The following CCDC40 variants were observed in gnomAD, a reference collection of about 807,000 sequenced individuals.
CCDC40 encodes coiled-coil domain 40 molecular ruler complex subunit.
Under a neutral mutation model 124.5 loss-of-function variants are expected in CCDC40, and 104 were observed. The ratio of observed to expected loss-of-function variants is 0.84; its 90% CI spans 0.71 to 0.98. CCDC40 has a LOEUF of 0.98. Among genes scored for constraint, CCDC40 ranks in the 50% least tolerant of loss-of-function variants. The pLI is 0.00. For synonymous variants in CCDC40, 580 were observed against 602.9 expected (o/e 0.96, Z 0.56); for missense variants, 1,463 against 1,503.9 (o/e 0.97, Z 0.45).
In CCDC40 at chr17:80,087,718, C is replaced by T. The variant is rs775425348; in HGVS notation, c.2561C>T (p.Ser854Leu). The change falls in exon 15 of 20, where the codon TCG (serine) becomes TTG (leucine). Residue 854 changes from serine (S) to leucine (L), a missense_variant. Physicochemically the swap from Ser to Leu is moderately radical, Grantham distance 145. Coordinates refer to ENST00000397545, the MANE Select transcript of CCDC40 (RefSeq NM_017950.4). The surrounding 1 kb of genome is among the most constrained non-coding windows in gnomAD (Gnocchi z 4.5). ...NMLMNKNRCS[S>L]EELEQNNRVT... ...TTGATGAATAAAAACCGGTGCAGCT[C>T]GGAGGAGCTGGAGCAGAACAACCGG... 4 of 1,614,020 alleles carry T rather than the reference C, an allele frequency of 2.5e-6. No individual in the cohort carries two copies. The highest frequency in any genetic ancestry group is 2.2e-5 in the East Asian group (1 of 44,876).
intron 5 of CCDC40, among the ~76,000 whole-genome samples, chr17:80,049,239 A>G (rs1242055449): frequency 2.8e-5 from 4 of 142,276 alleles, no homozygotes; most frequent in African/African-American, 1.1e-4. Context: ...TACTAAAAAT[A>G]CAAAAAAAAA....
intron 7 of CCDC40, among the ~76,000 whole-genome samples, chr17:80,051,897 A>G (rs9915864): frequency 0.32 from 49,216 of 152,206 alleles, 10,894 homozygotes; most frequent in African/African-American, 0.64. Context: ...GTGGGATTCC[A>G]AAAAGATCCA....
chr17:80,053,484 T>C (rs531304127), intron 7 of CCDC40, among the ~76,000 whole-genome samples: 1 of 152,330 alleles, frequency 6.6e-6, no homozygotes, highest in East Asian at 1.9e-4. Flanking sequence ...ACCCTTAAGC[T>C]TCCAGATGAT....
In CCDC40 at chr17:80,086,687, G is replaced by A. The variant is rs1057408325; in HGVS notation, c.2449+471G>A. The A allele has an allele frequency of 4.2e-6, 1 of 237,846 alleles. No individual in the cohort carries two copies. Among genetic ancestry groups the A allele is most frequent in the East Asian group, 1.2e-4 (1 of 8,572 alleles). The allele number at this position is 237,846 out of a possible 1,614,324, so 14.7% of individuals were successfully genotyped here. ...GCACCAGGGTGCCTGGAATGATGGA[G>A]GCGGGCATCCTTCCTGGACCACTCT... On this transcript the variant is annotated intron_variant, in intron 14 of 19. Transcript: ENST00000397545. This position sits in a 1 kb window ranked among gnomAD's most constrained non-coding sequence, Gnocchi z 5.5.
At chr17:80,061,216 C>A (rs372868297) in intron 9 of CCDC40, among the ~76,000 whole-genome samples, 1 of 152,156 alleles carries the variant, frequency 6.6e-6, no homozygotes, top group African/African-American at 2.4e-5. Context: ...CGTGGTGGTA[C>A]ACGCCTGTAA....
rs1445748772 is a variant in CCDC40, at chr17:80,086,013, TG to T, written c.2250del (p.Leu752TrpfsTer8). On this transcript the variant is annotated frameshift_variant, in exon 14 of 20. Transcript: ENST00000397545. LOFTEE classifies it high-confidence loss of function. This position sits in a 1 kb window ranked among gnomAD's most constrained non-coding sequence, Gnocchi z 5.5. ...RMVSELGGEEVGPLELEIKRL... is the reference protein window; with the variant it reads ...RMVSELGGEEXGPLELEIKRL... ...GAATATCCGGTCTAGGGGGAAGAAG[TG>T]GGGCCCCTGGAGCTTGAAATCAAAA... is the stretch of plus-strand genomic sequence containing the variant. 4 of 1,613,766 alleles carry T rather than the reference TG, an allele frequency of 2.5e-6. No individual in the cohort carries two copies. Among genetic ancestry groups the T allele is most frequent in the Non-Finnish European group, 3.4e-6 (4 of 1,179,978 alleles).
rs9892356 is a variant in CCDC40 at position 80,059,645 on chromosome 17, C to T, written c.1440+665C>T. ...CACAATCTCAGCTCACTGCAACCTC[C>T]GCCTCCCAGATTCAAGCAATTCTCC... On this transcript the variant is annotated intron_variant, in intron 9 of 19. Coordinates refer to ENST00000397545, the MANE Select transcript of CCDC40 (RefSeq NM_017950.4). Among the ~76,000 whole-genome samples, 585 of 152,004 alleles carry T rather than the reference C, an allele frequency of 3.8e-3. 4 individuals carry two copies. The highest frequency in any genetic ancestry group is 0.014 in the African/African-American group (570 of 41,440).
In CCDC40 at chr17:80,048,762, G is replaced by A. The variant is rs1346603171; in HGVS notation, c.855+1G>A. The A allele has an allele frequency of 2.5e-6, 4 of 1,606,336 alleles. No homozygotes were observed. Among genetic ancestry groups the A allele is most frequent in the Admixed American group, 1.7e-5 (1 of 58,620 alleles). On this transcript the variant is annotated splice_donor_variant, in intron 5 of 19. Coordinates refer to ENST00000397545, the MANE Select transcript of CCDC40 (RefSeq NM_017950.4). LOFTEE classifies it high-confidence loss of function. ...GCTGGTGGTTTTGGACCCAGACCACGTAAGGAAGCCTTCCCAGGTTTTGCT... is the reference window on the plus strand; with the variant it reads ...GCTGGTGGTTTTGGACCCAGACCACATAAGGAAGCCTTCCCAGGTTTTGCT...
chr17:80,055,723 T>A (rs1013883000), intron 7 of CCDC40, among the ~76,000 whole-genome samples: 1 of 151,920 alleles, frequency 6.6e-6, no homozygotes, highest in Non-Finnish European at 1.5e-5. Context: ...ATGCAAGAGC[T>A]CTACAACTAA....
intron 7 of CCDC40, among the ~76,000 whole-genome samples, chr17:80,053,068 C>T (rs9944435): frequency 0.32 from 48,558 of 152,040 alleles, 10,546 homozygotes; most frequent in African/African-American, 0.62. Context: ...ACATGGACGA[C>T]AGATTAGGGA....
At chr17:80,095,165 T>G in intron 17 of CCDC40, 98 bp from the exon 18 acceptor site, 1 of 1,120,334 alleles carries the variant, frequency 8.9e-7, no homozygotes, top group Non-Finnish European at 1.4e-6. Context: ...TCCCCATGCG[T>G]GTCACCGGAG....
At position 80,040,678 on chromosome 17, in the gene CCDC40, C is replaced by CAA. The variant is rs34476860; in HGVS notation, c.552+424_552+425dup. Reference sequence around the variant, plus strand: ...TGGGCAACAGAGTGAGACCTTGTCTCAAAAAAAAAAAAAAAAAGAAAAGAA... The same window carrying CAA: ...TGGGCAACAGAGTGAGACCTTGTCTCAAAAAAAAAAAAAAAAAAAGAAAAGAA... On this transcript the variant is annotated intron_variant, in intron 3 of 19. Coordinates refer to ENST00000397545, the MANE Select transcript of CCDC40 (RefSeq NM_017950.4). 5.3e-3 allele frequency: 694 copies of CAA among 129,844 alleles called. 6 individuals are homozygous for CAA. The highest frequency in any genetic ancestry group is 0.014 in the African/African-American group (461 of 32,864). The allele number at this position is 129,844 out of a possible 1,614,324, so 8.0% of individuals were successfully genotyped here.
intron 10 of CCDC40, among the ~76,000 whole-genome samples, chr17:80,072,663 A>G (rs2038220936): frequency 6.6e-6 from 1 of 152,186 alleles, no homozygotes; most frequent in South Asian, 2.1e-4. Flanking sequence ...ATGTCATATA[A>G]ATGGAATCGC....
At chr17:80,040,895 C>T (rs2037262059) in intron 3 of CCDC40, among the ~76,000 whole-genome samples, 1 of 152,122 alleles carries the variant, frequency 6.6e-6, no homozygotes, top group African/African-American at 2.4e-5. Context: ...ACAGAGAGCT[C>T]TCCAAATGTG....
intron 16 of CCDC40, 135 bp downstream of exon 16, chr17:80,088,237 GTTGTTTTGTTTTTTGTTTTGTT>G (rs2038631835): frequency 1.4e-6 from 1 of 726,164 alleles, no homozygotes; most frequent in Middle Eastern, 2.3e-4. Flanking sequence ...ATTTTTTGTT[GTTGTTTTGTTTTTTGTTTTGTT>G]TTGTTTTGTT....
chr17:80,099,463 G>A, intron 19 of CCDC40, 64 bp from the exon 20 acceptor site: 1 of 1,575,314 alleles, frequency 6.3e-7, no homozygotes. Flanking sequence ...GAGTTTGTGG[G>A]GGGCCAGCAG....
chr17:80,060,128 C>G (rs142561580), intron 9 of CCDC40, among the ~76,000 whole-genome samples: 41 of 152,288 alleles, frequency 2.7e-4, no homozygotes, highest in African/African-American at 9.4e-4. Flanking sequence ...GCAGCCATCC[C>G]AGTCTGCTCA....
At chr17:80,056,255 T>A (rs532605960) in intron 7 of CCDC40, among the ~76,000 whole-genome samples, 1 of 151,576 alleles carries the variant, frequency 6.6e-6, no homozygotes, top group South Asian at 2.1e-4. Context: ...GGCTGCATAT[T>A]ATACCCACTG....
At chr17:80,081,099 C>T (rs959904465) in intron 10 of CCDC40, among the ~76,000 whole-genome samples, 8 of 152,084 alleles carry the variant, frequency 5.3e-5, no homozygotes, top group Admixed American at 3.9e-4. Flanking sequence ...GAGTTGGTTT[C>T]CTGCTGGGTG....
Sources: allele counts gnomAD v4.1 joint callset (sites outside exome capture counted in the v4.1 genomes callset), GRCh38; gene constraint gnomAD v4.1.1; non-coding constraint Gnocchi (gnomAD v3.1); transcripts MANE v1.5; gene names NCBI Gene and HGNC (gene_info 2026-07-23, HGNC 2026-07-21).